NNT: variants seen among roughly 807,000 people sequenced by gnomAD.
The protein encoded by NNT is NAD(P) transhydrogenase, mitochondrial.
In NNT, 50 loss-of-function variants were observed where a neutral mutation model predicts 104.8. The ratio of observed to expected loss-of-function variants is 0.48; its 90% CI spans 0.38 to 0.60. NNT has a LOEUF of 0.60. NNT is among the 20% of genes least tolerant of loss of function. The pLI, the probability that NNT is intolerant of heterozygous loss-of-function variation, is 0.00. For missense variants in NNT, 1,131 were observed against 1,330.7 expected (o/e 0.85, Z 2.33); for synonymous variants, 461 against 490.4 (o/e 0.94, Z 0.79).
chr5:43,644,163 A>G, intron 7 of NNT, 29 bp from the exon 8 acceptor site: 1 of 1,575,400 alleles, frequency 6.3e-7, no homozygotes, highest in South Asian at 1.1e-5. Context: ...TGATAATACA[A>G]ATTGTGCTGC....
intron 7 of NNT, among the ~76,000 whole-genome samples, chr5:43,631,890 C>T (rs1172425788): frequency 1.4e-5 from 2 of 141,580 alleles, no homozygotes; most frequent in African/African-American, 5.3e-5. Context: ...ATTAAATTTA[C>T]AGAAAGTCCT....
At chr5:43,615,078 A>G (rs998209274) in intron 3 of NNT, among the ~76,000 whole-genome samples, 2 of 152,174 alleles carry the variant, frequency 1.3e-5, no homozygotes, top group Non-Finnish European at 1.5e-5. Context: ...CGGAGCTTGC[A>G]GTGAGCCGAG....
At chr5:43,660,923 C>T (rs529121046) in intron 17 of NNT, among the ~76,000 whole-genome samples, 1 of 152,280 alleles carries the variant, frequency 6.6e-6, no homozygotes, top group East Asian at 1.9e-4. Context: ...GATACTTACT[C>T]TACCTTCATT....
chr5:43,613,113 G>T lies in NNT; in HGVS notation c.357G>T (p.Val119=). The T allele has an allele frequency of 6.2e-7, 1 of 1,613,538 alleles. No homozygotes were observed. The highest frequency in any genetic ancestry group is 1.3e-5 in the African/African-American group (1 of 75,036). Residue 119 remains valine, a synonymous_variant, in exon 3 of 22, where the codon GTG becomes GTT. Transcript: ENST00000344920. ...AGAQIQGAKE[V]LASDLVVKVR... The stretch of plus-strand genomic sequence containing the variant: ...CCCAAATCCAAGGGGCAAAGGAAGT[G>T]CTGGCTTCTGATTTGGTGGTCAAAG...
chr5:43,693,450 A>C (rs1227594730), intron 19 of NNT, among the ~76,000 whole-genome samples: 1 of 152,240 alleles, frequency 6.6e-6, no homozygotes, highest in Non-Finnish European at 1.5e-5. Flanking sequence ...GTAAAATATT[A>C]CATTTTTAAA....
At chr5:43,647,778 T>C in intron 10 of NNT, 1 of 342,438 alleles carries the variant, frequency 2.9e-6, no homozygotes, top group South Asian at 2.4e-5. Flanking sequence ...TGGATTGTGA[T>C]AAGGTAGTGC....
intron 16 of NNT, 44 bp downstream of exon 16, chr5:43,656,857 G>A: frequency 6.5e-7 from 1 of 1,544,768 alleles, no homozygotes; most frequent in South Asian, 1.2e-5. Flanking sequence ...GTGAAGAACT[G>A]GGAATATTTT....
At chr5:43,608,537 T>G (rs1749341558) in intron 1 of NNT, among the ~76,000 whole-genome samples, 1 of 152,240 alleles carries the variant, frequency 6.6e-6, no homozygotes, top group African/African-American at 2.4e-5. Flanking sequence ...GAGTCATGTG[T>G]CATGCATGTT....
At chr5:43,651,321 G>C (rs896472889) in intron 12 of NNT, among the ~76,000 whole-genome samples, 4 of 152,112 alleles carry the variant, frequency 2.6e-5, no homozygotes, top group African/African-American at 9.6e-5. Context: ...TCACACCTGT[G>C]ATCCCAGCAC....
intron 19 of NNT, among the ~76,000 whole-genome samples, chr5:43,698,361 T>C (rs943256097): frequency 2.0e-5 from 3 of 152,094 alleles, no homozygotes; most frequent in African/African-American, 7.2e-5. Flanking sequence ...TTCTCTGGAT[T>C]CTCTGCTTTC....
intron 10 of NNT, 62 bp downstream of exon 10, chr5:43,645,572 T>G: frequency 9.6e-7 from 1 of 1,038,610 alleles, no homozygotes; most frequent in Non-Finnish European, 1.3e-6. Flanking sequence ...TATATATATA[T>G]ATATCTATAG....
chr5:43,667,195 G>C, intron 17 of NNT: 1 of 1,400,922 alleles, frequency 7.1e-7, no homozygotes, highest in Non-Finnish European at 1.0e-6. Context: ...CCATTTTCGG[G>C]ACTGGTTGTG....
chr5:43,691,615 G>C (rs1396946403), intron 19 of NNT, among the ~76,000 whole-genome samples: 2 of 152,196 alleles, frequency 1.3e-5, no homozygotes, highest in African/African-American at 4.8e-5. Flanking sequence ...ATTGATAACA[G>C]TTGAAATACA....
chr5:43,653,139 C>A lies in NNT; in HGVS notation c.1985C>A (p.Thr662Asn), dbSNP rs1468546394. The A allele has an allele frequency of 1.9e-6, 3 of 1,614,130 alleles. No homozygotes were observed. The highest frequency in any genetic ancestry group is 1.3e-5 in the African/African-American group (1 of 75,028). ...GGGGTTGCTGGAGGACTGGCAGCCA[C>A]CCTCGGAGTCCTAAAACCGGGCCCA... ...MIGVAGGLAA[T>N]LGVLKPGPEL... The change falls in exon 14 of 22, where the codon ACC becomes AAC. Residue 662 changes from threonine to asparagine, a missense_variant. Transcript: ENST00000344920.
In NNT at chr5:43,612,993, T is replaced by TC; in HGVS notation, c.238dup (p.Gln80ProfsTer9). ...GAGTGGCATTGTCTCCTGCTGGTGTTCAGAACTTGGTCAAGCAGGGTTTTA... is the reference window on the plus strand; with the variant it reads ...GAGTGGCATTGTCTCCTGCTGGTGTTCCAGAACTTGGTCAAGCAGGGTTTTA... On this transcript the variant is annotated frameshift_variant, in exon 3 of 22. Coordinates refer to ENST00000344920, the MANE Select transcript of NNT (RefSeq NM_182977.3). LOFTEE classifies it high-confidence loss of function. The TC allele has an allele frequency of 6.2e-7, 1 of 1,614,188 alleles. No homozygotes were observed. The highest frequency in any genetic ancestry group is 8.5e-7 in the Non-Finnish European group (1 of 1,180,028).
chr5:43,667,503 T>A (rs1740777144), intron 17 of NNT, among the ~76,000 whole-genome samples: 1 of 152,066 alleles, frequency 6.6e-6, no homozygotes. Context: ...CACCTATGAG[T>A]GAGAACATGC....
rs1741498202 is a variant in NNT, at chr5:43,677,793, G to A, written c.2863G>A (p.Gly955Ser). 2 of 1,613,430 alleles carry A rather than the reference G, an allele frequency of 1.2e-6. No individual in the cohort carries two copies. Among genetic ancestry groups the A allele is most frequent in the Admixed American group, 1.7e-5 (1 of 59,978 alleles). ...ADLVKMLTEQ[G>S]KKVRFGIHPV... Reference sequence around the variant, plus strand: ...TTTGGTAAAGATGCTCACTGAGCAAGGCAAAAAAGTCAGGTAAGCGTTTGC... The same window carrying A: ...TTTGGTAAAGATGCTCACTGAGCAAAGCAAAAAAGTCAGGTAAGCGTTTGC... Residue 955 changes from glycine to serine, a missense_variant, in exon 19 of 22, where the codon GGC (glycine) becomes AGC (serine). Coordinates refer to ENST00000344920, the MANE Select transcript of NNT (RefSeq NM_182977.3).
In NNT at chr5:43,644,953, C is replaced by A. The variant is rs995495802; in HGVS notation, c.1290+151C>A. On this transcript the variant is annotated intron_variant, in intron 9 of 21. Transcript: ENST00000344920. ...TGCTGATAAAAATTATTTGTAAATG[C>A]AGAATGATTTAAAGAAAAATATTTC... 35 of 608,490 alleles carry A rather than the reference C, an allele frequency of 5.8e-5. No individual in the cohort carries two copies. In the South Asian group the frequency reaches 1.1e-3, roughly 19 times the overall value. 37.7% of individuals were successfully genotyped at this position (608,490 alleles called of 1,614,324 possible).
intron 19 of NNT, among the ~76,000 whole-genome samples, chr5:43,686,026 A>G (rs1266825557): frequency 6.6e-6 from 1 of 152,134 alleles, no homozygotes; most frequent in Non-Finnish European, 1.5e-5. Flanking sequence ...GTTCTTGTAT[A>G]CACTTATATT....
Sources: allele counts gnomAD v4.1 joint callset (sites outside exome capture counted in the v4.1 genomes callset), GRCh38; gene constraint gnomAD v4.1.1; transcripts MANE v1.5; gene names NCBI Gene and HGNC (gene_info 2026-07-23, HGNC 2026-07-21).